Variants in DMD observed in about 807,000 individuals in gnomAD.
DMD encodes mutant dystrophin.
DMD carries 63 observed loss-of-function variants against 330.1 expected under a neutral mutation model. The ratio of observed to expected loss-of-function variants is 0.19; its 90% confidence interval spans 0.16 to 0.24. DMD has a LOEUF of 0.24. Among genes scored for constraint, DMD ranks in the 10% least tolerant of loss-of-function variants. The pLI is 1.00. For missense variants in DMD, 3,344 were observed against 2,684.1 expected (o/e 1.25, Z -5.43); for synonymous variants, 1,223 against 959.8 (o/e 1.27, Z -5.07).
intron 1 of DMD, among the ~76,000 whole-genome samples, chrX:33,114,577 G>A (rs931558926): frequency 1.6e-4 from 18 of 111,265 alleles, no homozygotes; most frequent in African/African-American, 5.5e-4. Flanking sequence ...TTTTTAAAAT[G>A]TGAGACCAAA....
intron 1 of DMD, among the ~76,000 whole-genome samples, chrX:33,112,219 T>C (rs1224716141): frequency 9.0e-6 from 1 of 110,904 alleles, no homozygotes; most frequent in African/African-American, 3.3e-5. Context: ...TATTAGTTAT[T>C]GTTGTTAATC....
At chrX:31,401,335 T>C (rs1205153856) in intron 60 of DMD, among the ~76,000 whole-genome samples, 1 of 111,875 alleles carries the variant, frequency 8.9e-6, no homozygotes, top group Non-Finnish European at 1.9e-5. Context: ...TTAGAAATAT[T>C]GAATGCCAGA....
chrX:32,493,066 T>C (rs1449741756), intron 19 of DMD, among the ~76,000 whole-genome samples: 1 of 112,099 alleles, frequency 8.9e-6, no homozygotes, highest in African/African-American at 3.2e-5. Flanking sequence ...AGAACGTCTC[T>C]AGAAACATAA....
At chrX:32,333,952 T>C (rs1162561248) in intron 41 of DMD, among the ~76,000 whole-genome samples, 3 of 111,503 alleles carry the variant, frequency 2.7e-5, no homozygotes, top group African/African-American at 9.8e-5. Flanking sequence ...TTTAAAACTT[T>C]TAAAAATTAT....
At chrX:31,685,049 C>T (rs62589463) in intron 52 of DMD, among the ~76,000 whole-genome samples, 16,685 of 111,185 alleles carry the variant, frequency 0.15, 1,079 homozygotes, top group Admixed American at 0.31. Flanking sequence ...CTTAAAGTAG[C>T]TTTAACTAGG....
At chrX:32,447,720 C>G (rs770874040) in intron 27 of DMD, among the ~76,000 whole-genome samples, 1 of 111,807 alleles carries the variant, frequency 8.9e-6, no homozygotes, top group African/African-American at 3.2e-5. Context: ...TGTGCAATGT[C>G]TGGCAGCATC....
chrX:31,432,256 T>C (rs1251008878), intron 60 of DMD, among the ~76,000 whole-genome samples: 1 of 112,290 alleles, frequency 8.9e-6, no homozygotes, highest in East Asian at 2.8e-4. Flanking sequence ...ACTATGTATT[T>C]ATTGGGAACC....
chrX:32,614,338 G>T lies in DMD; in HGVS notation c.1447C>A (p.Leu483Ile). The change falls in exon 12 of 79, where the codon CTT becomes ATT. Residue 483 changes from leucine (L) to isoleucine (I), a missense_variant. Coordinates refer to ENST00000357033, the MANE Select transcript of DMD (RefSeq NM_004006.3). ...KMEEEPLGPD[L>I]EDLKRQVQQH... ...TGTACTTGGCGTTTTAGGTCTTCAA[G>T]ATCAGGTCCAAGAGGCTCTTCCTCC... 1.7e-6 allele frequency: 2 copies of T among 1,208,328 alleles called. No homozygotes were observed. The highest frequency in any genetic ancestry group is 2.2e-6 in the Non-Finnish European group (2 of 893,727).
chrX:31,477,283 G>C (rs1275035210), intron 59 of DMD, among the ~76,000 whole-genome samples: 2 of 111,302 alleles, frequency 1.8e-5, no homozygotes, highest in Non-Finnish European at 3.8e-5. Context: ...GAAAAATATA[G>C]GAAGAAGAAC....
chrX:31,227,838 C>G (rs1163025271), intron 63 of DMD, among the ~76,000 whole-genome samples: 3 of 110,590 alleles, frequency 2.7e-5, no homozygotes, highest in Non-Finnish European at 5.7e-5. Flanking sequence ...TTCACAATAG[C>G]AAAGACTTGG....
At chrX:32,407,630 C>T (rs1410586409) in intron 30 of DMD, among the ~76,000 whole-genome samples, 1 of 110,595 alleles carries the variant, frequency 9.0e-6, no homozygotes, top group Non-Finnish European at 1.9e-5. Flanking sequence ...TGGGTATATA[C>T]CCAAAGGATT....
chrX:33,171,523 T>C (rs2049347714), intron 1 of DMD, among the ~76,000 whole-genome samples: 1 of 111,410 alleles, frequency 9.0e-6, no homozygotes, highest in African/African-American at 3.3e-5. Context: ...GTCTATTGTA[T>C]TGTCCTGATT....
At chrX:33,263,292 C>T (rs1327780802) in intron 1 of DMD, among the ~76,000 whole-genome samples, 1 of 109,868 alleles carries the variant, frequency 9.1e-6, no homozygotes, top group Non-Finnish European at 1.9e-5. Flanking sequence ...TTATTCATTT[C>T]TCTTATAGAT....
intron 7 of DMD, among the ~76,000 whole-genome samples, chrX:32,714,463 T>C (rs1435131153): frequency 8.9e-6 from 1 of 111,895 alleles, no homozygotes; most frequent in Non-Finnish European, 1.9e-5. Flanking sequence ...GATGATAGCC[T>C]CCAGTTTCAT....
At chrX:32,580,818 A>G (rs148967636) in intron 13 of DMD, among the ~76,000 whole-genome samples, 4 of 111,508 alleles carry the variant, frequency 3.6e-5, no homozygotes, top group Non-Finnish European at 7.5e-5. Context: ...CCATATTCCA[A>G]TAGGTATCCT....
intron 44 of DMD, among the ~76,000 whole-genome samples, chrX:32,131,955 C>T (rs2096697502): frequency 1.8e-5 from 2 of 111,397 alleles, no homozygotes; most frequent in South Asian, 7.7e-4. Context: ...ATATCAACCT[C>T]AAGGGACTGA....
chrX:32,060,780 C>G (rs1260613028), intron 44 of DMD, among the ~76,000 whole-genome samples: 1 of 111,460 alleles, frequency 9.0e-6, no homozygotes, highest in African/African-American at 3.3e-5. Flanking sequence ...AGTCTTTCCA[C>G]TAAGGATTTC....
rs749426031 is a variant in DMD at position 32,839,273 on chromosome X, G to A, written c.264+5510C>T. Among the ~76,000 whole-genome samples, 7 of 110,558 alleles carry A rather than the reference G, an allele frequency of 6.3e-5. No homozygotes were observed. The East Asian group carries it at 8.6e-4, about 14-fold the overall frequency. ...TTTTCACCTTAAGGTCTTTATTACC[G>A]TGCCTAACCCACCTTCCTATAGACA... On this transcript the variant is annotated intron_variant, in intron 4 of 78. Coordinates refer to ENST00000357033, the MANE Select transcript of DMD (RefSeq NM_004006.3).
intron 44 of DMD, among the ~76,000 whole-genome samples, chrX:32,023,791 A>G (rs1046121259): frequency 1.8e-5 from 2 of 111,870 alleles, no homozygotes; most frequent in Non-Finnish European, 1.9e-5. Flanking sequence ...GTGCAACAAC[A>G]TGGATGCAAT....
Sources: allele counts gnomAD v4.1 joint callset (sites outside exome capture counted in the v4.1 genomes callset), GRCh38; gene constraint gnomAD v4.1.1; transcripts MANE v1.5; gene names NCBI Gene and HGNC (gene_info 2026-07-23, HGNC 2026-07-21).